The following CRADD variants were observed in gnomAD, a reference collection of about 807,000 sequenced individuals.
The protein encoded by CRADD is CARD and death domain containing adaptor protein, also known as death domain-containing protein CRADD.
CRADD carries 9 observed loss-of-function variants against 15.5 expected under a neutral mutation model. That is an observed-to-expected ratio of 0.58 (90% CI 0.35 to 1.01). The LOEUF (loss-of-function observed/expected upper bound fraction) is 1.01, where lower values mean the gene tolerates loss of function less well. Ranked by LOEUF, CRADD falls within the 50% of genes least tolerant of loss-of-function variation. The pLI, the probability that CRADD is intolerant of heterozygous loss-of-function variation, is 0.02. For missense variants in CRADD, 227 were observed against 250.3 expected (o/e 0.91, Z 0.63); for synonymous variants, 118 against 107.6 (o/e 1.10, Z -0.60).
intron 2 of CRADD, among the ~76,000 whole-genome samples, chr12:93,869,493 T>A (rs541578317): frequency 6.6e-6 from 1 of 152,312 alleles, no homozygotes; most frequent in East Asian, 1.9e-4. Context: ...AAATTACTAT[T>A]GTAAATATGT....
At chr12:93,725,912 A>T (rs190519723) in intron 2 of CRADD, among the ~76,000 whole-genome samples, 295 of 152,224 alleles carry the variant, frequency 1.9e-3, no homozygotes, top group Non-Finnish European at 2.9e-3. Context: ...AAGGAAGCTC[A>T]GACACATGAA....
intron 2 of CRADD, among the ~76,000 whole-genome samples, chr12:93,867,034 T>C (rs909672717): frequency 1.3e-5 from 2 of 152,092 alleles, no homozygotes; most frequent in Non-Finnish European, 2.9e-5. Flanking sequence ...GAATTTGGGC[T>C]GGGGAGCAGG....
chr12:93,852,107 C>T (rs551515344), downstream of CRADD, among the ~76,000 whole-genome samples: 2 of 152,198 alleles, frequency 1.3e-5, no homozygotes, highest in Non-Finnish European at 2.9e-5. Context: ...TCACTGTGCC[C>T]AGTGATAGAC....
chr12:93,865,715 CTT>C (rs1958361285), intron 2 of CRADD, among the ~76,000 whole-genome samples: 1 of 152,206 alleles, frequency 6.6e-6, no homozygotes, highest in South Asian at 2.1e-4. Flanking sequence ...CTCCTGTATA[CTT>C]TAAATCTTCT....
At chr12:93,703,894 T>A (rs1377708417) in intron 2 of CRADD, among the ~76,000 whole-genome samples, 1 of 152,134 alleles carries the variant, frequency 6.6e-6, no homozygotes, top group Non-Finnish European at 1.5e-5. Flanking sequence ...TGTGTGTAGT[T>A]CTGTGAAATT....
chr12:93,886,932 G>T (rs1278163890), intron 2 of CRADD, among the ~76,000 whole-genome samples: 1 of 152,306 alleles, frequency 6.6e-6, no homozygotes, highest in African/African-American at 2.4e-5. Context: ...CCTACCACGC[G>T]CAAGACAGAG....
At chr12:93,790,479 A>G (rs1957335965) in intron 2 of CRADD, among the ~76,000 whole-genome samples, 1 of 129,790 alleles carries the variant, frequency 7.7e-6, no homozygotes, top group Admixed American at 7.8e-5. Flanking sequence ...ATAAAAAAAA[A>G]AGAAACTCAA....
At chr12:93,848,677 C>T (rs1226128707) in intron 2 of CRADD, 4 of 152,376 alleles carry the variant, frequency 2.6e-5, no homozygotes, top group African/African-American at 9.7e-5. Context: ...ACGCCCTGTT[C>T]CTCCTTCATC....
rs1235517611 is a variant in CRADD, at chr12:93,714,786, T to C, written c.298+35714T>C. On this transcript the variant is annotated intron_variant, in intron 2 of 2. Transcript: ENST00000332896. ...CTTTTTCTTGGGAAAAGAAGTAGTC[T>C]TTCCAGAAATCCTCAACACAATTCC... is the stretch of plus-strand genomic sequence containing the variant. 3 of 152,240 alleles carry C rather than the reference T, an allele frequency of 2.0e-5. No homozygotes were observed. In the East Asian group the frequency reaches 5.8e-4, roughly 29 times the overall value. 9.4% of individuals were successfully genotyped at this position (152,240 alleles called of 1,614,324 possible). A position where few individuals can be genotyped will look rare whatever the true frequency, so the allele number is the denominator to read the frequency against.
chr12:93,814,799 G>T (rs1957672737), intron 2 of CRADD, among the ~76,000 whole-genome samples: 1 of 152,152 alleles, frequency 6.6e-6, no homozygotes, highest in East Asian at 1.9e-4. Context: ...AGCCAACAAG[G>T]ATGCGTGAAA....
At chr12:93,840,910 A>T (rs1958039808) in intron 2 of CRADD, among the ~76,000 whole-genome samples, 1 of 152,212 alleles carries the variant, frequency 6.6e-6, no homozygotes, top group Admixed American at 6.5e-5. Flanking sequence ...AGTCCAGACA[A>T]GTGTGCATCC....
At chr12:93,792,634 T>C (rs1252907748) in intron 2 of CRADD, among the ~76,000 whole-genome samples, 7 of 152,188 alleles carry the variant, frequency 4.6e-5, no homozygotes, top group African/African-American at 1.7e-4. Flanking sequence ...ATATTTTCTA[T>C]GGAAAAATAT....
intron 2 of CRADD, chr12:93,836,202 G>A (rs1212523637): frequency 2.0e-5 from 3 of 152,160 alleles, no homozygotes; most frequent in African/African-American, 7.2e-5. Context: ...AAAAATGTAA[G>A]AAACCCACTT....
rs770030259 is a variant in CRADD at position 93,678,862 on chromosome 12, C to T, written c.88C>T (p.Leu30Phe). The T allele has an allele frequency of 1.2e-6, 2 of 1,614,198 alleles. No individual in the cohort carries two copies. Among genetic ancestry groups the T allele is most frequent in the Non-Finnish European group, 1.7e-6 (2 of 1,180,022 alleles). The stretch of plus-strand genomic sequence containing the variant: ...GGTGGAGGGACTGGTTCTTCAGTAC[C>T]TCTACCAGGAAGGAATCTTGACGGA... ...VLVEGLVLQY[L>F]YQEGILTENH... Residue 30 changes from leucine (L) to phenylalanine (F), a missense_variant, in exon 2 of 3, where the codon CTC becomes TTC. Coordinates refer to ENST00000332896, the MANE Select transcript of CRADD (RefSeq NM_003805.5).
At chr12:93,732,226 C>G (rs1365637097) in intron 2 of CRADD, among the ~76,000 whole-genome samples, 1 of 151,830 alleles carries the variant, frequency 6.6e-6, no homozygotes, top group Non-Finnish European at 1.5e-5. Flanking sequence ...GAACATTATC[C>G]TGACCATCAA....
intron 2 of CRADD, among the ~76,000 whole-genome samples, chr12:93,688,008 G>C (rs1023449516): frequency 1.3e-5 from 2 of 152,216 alleles, no homozygotes; most frequent in Non-Finnish European, 2.9e-5. Context: ...CTTGTGCTCT[G>C]TAGATCAGGT....
At chr12:93,784,713 G>T (rs190141636) in intron 2 of CRADD, among the ~76,000 whole-genome samples, 1 of 152,112 alleles carries the variant, frequency 6.6e-6, no homozygotes, top group African/African-American at 2.4e-5. Context: ...TTAGAACACA[G>T]AGTCCCAGAG....
At chr12:93,721,605 C>G (rs532770108) in intron 2 of CRADD, among the ~76,000 whole-genome samples, 1 of 152,140 alleles carries the variant, frequency 6.6e-6, no homozygotes, top group South Asian at 2.1e-4. Flanking sequence ...TCATTATTTT[C>G]TAAACAATAC....
chr12:93,736,273 A>C lies in CRADD; in HGVS notation c.298+57201A>C, dbSNP rs373691305. On this transcript the variant is annotated intron_variant, in intron 2 of 2. Transcript: ENST00000332896. ...GCAAGCATGATGCTGGGATGCTTAA[A>C]TAACAGTACAGTACATTGCAAAGGA... is the stretch of plus-strand genomic sequence containing the variant. Among the ~76,000 whole-genome samples, 7 of 152,226 alleles carry C rather than the reference A, an allele frequency of 4.6e-5. No homozygotes were observed. In the East Asian group the frequency reaches 7.7e-4, roughly 17 times the overall value.
Sources: allele counts gnomAD v4.1 joint callset (sites outside exome capture counted in the v4.1 genomes callset), GRCh38; gene constraint gnomAD v4.1.1; transcripts MANE v1.5; gene names NCBI Gene and HGNC (gene_info 2026-07-23, HGNC 2026-07-21).